PHACTR1: variants seen among roughly 807,000 people sequenced by gnomAD.
The protein encoded by PHACTR1 is phosphatase and actin regulator 1, also known as RPEL repeat containing 1.
In PHACTR1, 16 loss-of-function variants were observed where a neutral mutation model predicts 69.2. That is an observed-to-expected ratio of 0.23 (90% confidence interval 0.16 to 0.35). The LOEUF is 0.35. PHACTR1 is among the 10% of genes least tolerant of loss of function. PHACTR1 has a pLI of 1.00. For synonymous variants in PHACTR1, 312 were observed against 284.5 expected (o/e 1.10, Z -0.97); for missense variants, 510 against 734.7 (o/e 0.69, Z 3.54).
At chr6:12,890,145 T>G (rs1437630826) in intron 4 of PHACTR1, among the ~76,000 whole-genome samples, 1 of 152,180 alleles carries the variant, frequency 6.6e-6, no homozygotes, top group African/African-American at 2.4e-5. Context: ...TGAACCCTAT[T>G]GTGAACTGCG....
intron 5 of PHACTR1, among the ~76,000 whole-genome samples, chr6:13,159,956 G>A (rs1758743178): frequency 6.6e-6 from 1 of 151,854 alleles, no homozygotes; most frequent in African/African-American, 2.4e-5. Context: ...AAAAAAGAAT[G>A]CCTACCCTGT....
chr6:12,908,248 C>G (rs1785968734), intron 4 of PHACTR1, among the ~76,000 whole-genome samples: 1 of 152,174 alleles, frequency 6.6e-6, no homozygotes, highest in African/African-American at 2.4e-5. Flanking sequence ...TATCGAGTTC[C>G]CCTTCATCTT....
intron 5 of PHACTR1, among the ~76,000 whole-genome samples, chr6:13,078,587 T>C (rs534922601): frequency 4.6e-5 from 7 of 152,210 alleles, no homozygotes; most frequent in African/African-American, 1.7e-4. Context: ...TTTCTGGAGG[T>C]TTGCGAGCAG....
At chr6:12,921,385 A>G (rs1028879861) in intron 4 of PHACTR1, among the ~76,000 whole-genome samples, 1 of 152,034 alleles carries the variant, frequency 6.6e-6, no homozygotes, top group African/African-American at 2.4e-5. Flanking sequence ...GAAATGAAAA[A>G]GACAGTCCTT....
intron 4 of PHACTR1, among the ~76,000 whole-genome samples, chr6:12,799,090 A>G (rs1773417951): frequency 6.6e-6 from 1 of 152,236 alleles, no homozygotes; most frequent in South Asian, 2.1e-4. Context: ...CAACTTCTAA[A>G]TGTCATATTC....
chr6:12,886,257 G>GT (rs1223011839), intron 4 of PHACTR1, among the ~76,000 whole-genome samples: 2 of 8,056 alleles, frequency 2.5e-4, no homozygotes, highest in African/African-American at 5.2e-4. Flanking sequence ...TTGTTTGATT[G>GT]TTAAAAAAAA....
intron 5 of PHACTR1, among the ~76,000 whole-genome samples, chr6:13,078,924 C>G (rs1446509242): frequency 6.6e-6 from 1 of 152,182 alleles, no homozygotes; most frequent in African/African-American, 2.4e-5. Flanking sequence ...AGGAATAGAT[C>G]TGTGCCCATT....
At chr6:12,726,025 G>A (rs530200705) in intron 3 of PHACTR1, among the ~76,000 whole-genome samples, 127 of 152,144 alleles carry the variant, frequency 8.3e-4, no homozygotes, top group South Asian at 2.3e-3. Context: ...GTTGAAAATG[G>A]AGCCTGCATA....
rs116378088 is a variant in PHACTR1, at chr6:13,285,423, G to T, written c.1651-723G>T. On this transcript the variant is annotated intron_variant, in intron 13 of 14. Coordinates refer to ENST00000332995, the MANE Select transcript of PHACTR1 (RefSeq NM_030948.6). ...GACAGAGCTATGCAAGAAGGCACAC[G>T]TTTGCAATTTCCACCCTTGAGGAAG... Among the ~76,000 whole-genome samples, 510 of 152,290 alleles carry T rather than the reference G, an allele frequency of 3.3e-3. 3 individuals are homozygous for T. The highest frequency in any genetic ancestry group is 0.012 in the African/African-American group (498 of 41,566).
chr6:12,931,443 AAG>A (rs1303460397), intron 4 of PHACTR1, among the ~76,000 whole-genome samples: 1 of 152,190 alleles, frequency 6.6e-6, no homozygotes, highest in Non-Finnish European at 1.5e-5. Flanking sequence ...TATGCAAAGA[AAG>A]AGGTCAGCAG....
intron 5 of PHACTR1, among the ~76,000 whole-genome samples, chr6:13,058,035 G>A (rs903589195): frequency 6.6e-6 from 1 of 152,132 alleles, no homozygotes; most frequent in African/African-American, 2.4e-5. Flanking sequence ...ATGCCTTTCA[G>A]TCTGCCCTCC....
chr6:12,933,590 C>T (rs781207247), intron 4 of PHACTR1: 85 of 1,605,276 alleles, frequency 5.3e-5, no homozygotes, highest in Non-Finnish European at 7.1e-5. Context: ...GTTATCTGAC[C>T]TGGGCTCACA....
chr6:13,133,961 G>T (rs1397201611), intron 5 of PHACTR1, among the ~76,000 whole-genome samples: 1 of 151,908 alleles, frequency 6.6e-6, no homozygotes, highest in African/African-American at 2.4e-5. Context: ...CGTCTATGAT[G>T]TGAGGAGCGC....
rs1370865199 is a variant in PHACTR1, at chr6:13,199,236, A to G, written c.665-6579A>G. Among the ~76,000 whole-genome samples the G allele has an allele frequency of 2.0e-5, 3 of 151,986 alleles. No individual in the cohort carries two copies. The East Asian group carries it at 5.8e-4, about 29-fold the overall frequency. On this transcript the variant is annotated intron_variant, in intron 7 of 14. Transcript: ENST00000332995. ...CCCCATCTCTACTAAAAATACAAAAAATTAGCTGGGCTTGGTGGCGTGCAC... is the reference window on the plus strand; with the variant it reads ...CCCCATCTCTACTAAAAATACAAAAGATTAGCTGGGCTTGGTGGCGTGCAC...
intron 4 of PHACTR1, among the ~76,000 whole-genome samples, chr6:12,997,430 GGGA>G (rs1330906012): frequency 6.7e-6 from 1 of 149,072 alleles, no homozygotes; most frequent in Admixed American, 6.7e-5. Flanking sequence ...ATGGGGGATG[GGGA>G]GGAGAGAGTC....
rs5874376 is a variant in PHACTR1 at position 12,750,976 on chromosome 6, A to ATGTG, written c.250+1201_250+1204dup. On this transcript the variant is annotated intron_variant, in intron 4 of 14. Transcript: ENST00000332995. ...TGGAAATGGGACTAAATCAAACAAA[A>ATGTG]TGTGTGTGTGTGTGTGTGCGCGTGC... is the stretch of plus-strand genomic sequence containing the variant. Among the ~76,000 whole-genome samples, 671 of 151,452 alleles carry ATGTG rather than the reference A, an allele frequency of 4.4e-3. 15 individuals are homozygous for ATGTG. Among genetic ancestry groups the ATGTG allele is most frequent in the Admixed American group, 0.039 (600 of 15,254 alleles).
At chr6:13,206,249 G>C (rs1208298588) in intron 8 of PHACTR1, 113 bp downstream of exon 8, 1 of 1,141,604 alleles carries the variant, frequency 8.8e-7, no homozygotes, top group Non-Finnish European at 1.2e-6. Context: ...CCCCACTGGG[G>C]GAAAATGTTT....
intron 4 of PHACTR1, among the ~76,000 whole-genome samples, chr6:12,857,198 G>A (rs1367281332): frequency 6.6e-6 from 1 of 152,168 alleles, no homozygotes; most frequent in Non-Finnish European, 1.5e-5. Context: ...CTGCCTGCGG[G>A]CCACAGTGCA....
At position 13,272,884 on chromosome 6, in the gene PHACTR1, A is replaced by G. The variant is rs976481398; in HGVS notation, c.1416A>G (p.Ala472=). 6.2e-7 allele frequency: 1 copy of G among 1,614,082 alleles called. No homozygotes were observed. The highest frequency in any genetic ancestry group is 8.5e-7 in the Non-Finnish European group (1 of 1,179,898). ...GGCGGCTGAGCCAGAGGCCAACTGC[A>G]GAGGAACTGGAACAGAGGAACATTT... ...LTRRLSQRPT[A]EELEQRNILK... Residue 472 remains alanine (A), a synonymous_variant, in exon 11 of 15, where the codon GCA becomes GCG. Coordinates refer to ENST00000332995, the MANE Select transcript of PHACTR1 (RefSeq NM_030948.6).
Sources: gnomAD v4.1 joint callset for allele counts (sites outside exome capture counted in the v4.1 genomes callset) on GRCh38, gnomAD v4.1.1 for gene constraint, MANE v1.5 for transcripts, NCBI Gene and HGNC (gene_info 2026-07-23, HGNC 2026-07-21) for gene names.